The following AR variants were observed in gnomAD, a reference collection of about 807,000 sequenced individuals.
AR encodes the protein androgen receptor.
In AR, 8 loss-of-function variants were observed where a neutral mutation model predicts 53.9. The ratio of observed to expected loss-of-function variants is 0.15; its 90% CI spans 0.09 to 0.27. The LOEUF (loss-of-function observed/expected upper bound fraction) is 0.27, where lower values mean the gene tolerates loss of function less well. AR is among the 10% of genes least tolerant of loss of function. The probability of loss-of-function intolerance (pLI) is 1.00; values close to 1 mark genes in which losing one functional copy is unlikely to be tolerated. For missense variants in AR, 639 were observed against 742.5 expected, an observed-to-expected ratio of 0.86 and a Z score of 1.62; for synonymous variants, 359 against 316.4, an observed-to-expected ratio of 1.13 and a Z score of -1.43.
intron 1 of AR, among the ~76,000 whole-genome samples, chrX:67,579,523 G>A (rs1922197137): frequency 8.9e-6 from 1 of 111,877 alleles, no homozygotes; most frequent in African/African-American, 3.2e-5. Context: ...GGAAAATGTG[G>A]TAGATGATTG....
At chrX:67,627,628 T>C (rs1273644588) in intron 1 of AR, among the ~76,000 whole-genome samples, 1 of 111,946 alleles carries the variant, frequency 8.9e-6, no homozygotes, top group Admixed American at 9.5e-5. Context: ...AGAAGCTCTT[T>C]AGTTGAATTA....
At chrX:67,710,247 A>G (rs938510901) in intron 3 of AR, among the ~76,000 whole-genome samples, 1 of 112,120 alleles carries the variant, frequency 8.9e-6, no homozygotes, top group Non-Finnish European at 1.9e-5. Flanking sequence ...ACATAGACAC[A>G]TGTACATCAC....
At chrX:67,627,715 C>T (rs1924768271) in intron 1 of AR, among the ~76,000 whole-genome samples, 1 of 111,557 alleles carries the variant, frequency 9.0e-6, no homozygotes, top group Non-Finnish European at 1.9e-5. Flanking sequence ...CTTGCCCATG[C>T]CTATGTCCTG....
intron 3 of AR, among the ~76,000 whole-genome samples, chrX:67,704,185 G>T (rs1020512780): frequency 1.8e-5 from 2 of 111,451 alleles, no homozygotes; most frequent in Non-Finnish European, 3.8e-5. Flanking sequence ...TGGGTGCAAT[G>T]GTATTTCTAG....
intron 1 of AR, among the ~76,000 whole-genome samples, chrX:67,550,460 C>T (rs900131595): frequency 9.1e-6 from 1 of 110,265 alleles, no homozygotes; most frequent in Non-Finnish European, 1.9e-5. Flanking sequence ...GGCTTGTACA[C>T]GTACAAGCTA....
At chrX:67,644,137 C>T (rs1201636162) in intron 2 of AR, among the ~76,000 whole-genome samples, 1 of 112,271 alleles carries the variant, frequency 8.9e-6, no homozygotes, top group Non-Finnish European at 1.9e-5. Context: ...TGCTCAACCT[C>T]TAGAGGCGCT....
At chrX:67,704,953 T>G (rs1370652632) in intron 3 of AR, among the ~76,000 whole-genome samples, 2 of 112,043 alleles carry the variant, frequency 1.8e-5, no homozygotes, top group African/African-American at 3.2e-5. Context: ...ATCAGATGGT[T>G]GTAGATACGC....
intron 2 of AR, among the ~76,000 whole-genome samples, chrX:67,670,341 A>ATAATTGTTCTTATTAAAAAATAG (rs1268167682): frequency 1.0e-5 from 1 of 98,519 alleles, no homozygotes; most frequent in Non-Finnish European, 2.0e-5. Context: ...TTAAAAAATA[A>ATAATTGTTCTTATTAAAAAATAG]TAATTGTTCT....
At chrX:67,705,130 C>T (rs989827866) in intron 3 of AR, among the ~76,000 whole-genome samples, 1 of 111,478 alleles carries the variant, frequency 9.0e-6, no homozygotes, top group African/African-American at 3.3e-5. Context: ...GCAATGCAGG[C>T]TCTTTTTTGG....
rs753526329 is a variant in AR, at chrX:67,545,400, G to GGCA, written c.271_273dup (p.Gln91dup). ...CAGCAGCAGCAAGAGACTAGCCCCAGGCAGCAGCAGCAGCAGCAGGGTGAG... is the reference window on the plus strand; with the variant it reads ...CAGCAGCAGCAAGAGACTAGCCCCAGGCAGCAGCAGCAGCAGCAGCAGGGTGAG... On this transcript the variant is annotated inframe_insertion, in exon 1 of 8. Transcript: ENST00000374690. The GGCA allele has an allele frequency of 8.1e-5, 95 of 1,174,521 alleles. 1 individual carries two copies. The highest frequency in any genetic ancestry group is 6.5e-4 in the South Asian group (35 of 53,779).
chrX:67,685,480 C>A (rs2075960828), intron 2 of AR, among the ~76,000 whole-genome samples: 1 of 111,249 alleles, frequency 9.0e-6, no homozygotes. Context: ...GGGGTATGAT[C>A]ACCAGCAATC....
chrX:67,627,513 T>C (rs1463203969), intron 1 of AR, among the ~76,000 whole-genome samples: 1 of 111,768 alleles, frequency 8.9e-6, no homozygotes, highest in Admixed American at 9.5e-5. Flanking sequence ...TTGAGTTCAT[T>C]GTAGATTCTG....
intron 3 of AR, among the ~76,000 whole-genome samples, chrX:67,709,285 C>T (rs376495611): frequency 8.9e-6 from 1 of 112,293 alleles, no homozygotes. Context: ...CGGTAGGCTC[C>T]ACCCAGTTCG....
intron 1 of AR, among the ~76,000 whole-genome samples, chrX:67,563,551 G>A (rs960564855): frequency 1.8e-5 from 2 of 111,737 alleles, no homozygotes; most frequent in African/African-American, 3.3e-5. Context: ...CTAGACTCTG[G>A]CTGACATACA....
intron 1 of AR, among the ~76,000 whole-genome samples, chrX:67,552,008 T>C (rs1930013663): frequency 8.9e-6 from 1 of 112,280 alleles, no homozygotes; most frequent in African/African-American, 3.2e-5. Context: ...CTAAGTTTTA[T>C]TCTTTAAATA....
intron 2 of AR, among the ~76,000 whole-genome samples, chrX:67,657,627 C>A (rs1926653807): frequency 8.9e-6 from 1 of 112,094 alleles, no homozygotes. Flanking sequence ...AACCTTAATT[C>A]TTAAGTATGT....
chrX:67,627,414 G>C (rs1435909817), intron 1 of AR, among the ~76,000 whole-genome samples: 10 of 112,078 alleles, frequency 8.9e-5, no homozygotes, highest in South Asian at 3.7e-4. Flanking sequence ...TGTTTTTTGG[G>C]TGCATAAATG....
chrX:67,600,144 C>T (rs1459711592), intron 1 of AR, among the ~76,000 whole-genome samples: 1 of 111,231 alleles, frequency 9.0e-6, no homozygotes, highest in Non-Finnish European at 1.9e-5. Context: ...AGTGGCTCCA[C>T]CTGGAGAGGG....
chrX:67,687,237 C>T (rs2075971766), intron 3 of AR, among the ~76,000 whole-genome samples: 1 of 111,775 alleles, frequency 8.9e-6, no homozygotes. Context: ...CCTATGTGCA[C>T]ATTTATAGAC....
Sources: allele counts gnomAD v4.1 joint callset (sites outside exome capture counted in the v4.1 genomes callset), GRCh38; gene constraint gnomAD v4.1.1; transcripts MANE v1.5; gene names NCBI Gene and HGNC (gene_info 2026-07-23, HGNC 2026-07-21).